Variants in DPH6 observed in about 807,000 individuals in gnomAD.
DPH6 encodes the protein diphthine--ammonia ligase.
Under a neutral mutation model 38.2 loss-of-function variants are expected in DPH6, and 33 were observed. That is an observed-to-expected ratio of 0.86 (90% CI 0.65 to 1.15). The LOEUF (loss-of-function observed/expected upper bound fraction) is 1.15, where lower values mean the gene tolerates loss of function less well. Among genes scored for constraint, DPH6 ranks in the 50% most tolerant of loss-of-function variants. The pLI is 0.00. For missense variants in DPH6, 325 were observed against 320.0 expected (o/e 1.02, Z -0.12); for synonymous variants, 108 against 103.0 (o/e 1.05, Z -0.30).
At chr15:35,365,692 G>T in intron 3 of DPH6, 1 of 785,068 alleles carries the variant, frequency 1.3e-6, no homozygotes, top group Non-Finnish European at 1.5e-6. Flanking sequence ...TGCCCAGTTT[G>T]ATTCCCAACA....
the DPH6 span, among the ~76,000 whole-genome samples, chr15:35,171,459 T>C: frequency 6.6e-6 from 1 of 152,132 alleles, no homozygotes; most frequent in African/African-American, 2.4e-5. Context: ...TAAATGAAAA[T>C]AGGTTGAAAC....
At chr15:35,158,167 C>T in the DPH6 span, among the ~76,000 whole-genome samples, 2 of 152,076 alleles carry the variant, frequency 1.3e-5, no homozygotes, top group East Asian at 3.9e-4. Flanking sequence ...TTATTGTATG[C>T]CCCTATTTTG....
intron 6 of DPH6, among the ~76,000 whole-genome samples, chr15:35,388,686 T>G (rs902793321): frequency 3.3e-5 from 5 of 152,242 alleles, no homozygotes; most frequent in African/African-American, 1.2e-4. Context: ...TTGGTGGTGA[T>G]ATCCCCTTTG....
At chr15:35,276,718 TG>T (rs965578730) in intron 3 of DPH6, among the ~76,000 whole-genome samples, 3 of 152,030 alleles carry the variant, frequency 2.0e-5, no homozygotes, top group Non-Finnish European at 4.4e-5. Flanking sequence ...TGTTTCTGTT[TG>T]CTTTGTGAAA....
At chr15:35,397,906 C>CACACACACACACAT (rs1555398584) in intron 6 of DPH6, among the ~76,000 whole-genome samples, 17 of 147,084 alleles carry the variant, frequency 1.2e-4, no homozygotes, top group Admixed American at 2.0e-4. Context: ...CACACACACA[C>CACACACACACACAT]ACACACACAA....
chr15:35,281,234 C>T (rs1198011382), intron 3 of DPH6, among the ~76,000 whole-genome samples: 1 of 152,142 alleles, frequency 6.6e-6, no homozygotes, highest in Non-Finnish European at 1.5e-5. Flanking sequence ...CTCCCTCAAG[C>T]AAACTCTTAT....
intron 3 of DPH6, among the ~76,000 whole-genome samples, chr15:35,258,507 T>C (rs1226787107): frequency 6.6e-6 from 1 of 152,172 alleles, no homozygotes; most frequent in African/African-American, 2.4e-5. Flanking sequence ...ATTTCATAAG[T>C]GAGGGAACTA....
At chr15:35,445,017 A>G (rs1050003186) in intron 5 of DPH6, among the ~76,000 whole-genome samples, 2 of 152,352 alleles carry the variant, frequency 1.3e-5, no homozygotes, top group South Asian at 4.1e-4. Context: ...CATACAAAAA[A>G]GTATCATGAG....
the DPH6 span, among the ~76,000 whole-genome samples, chr15:35,163,492 C>T: frequency 1.3e-5 from 2 of 151,924 alleles, no homozygotes; most frequent in South Asian, 4.1e-4. Context: ...ACTTTTCATT[C>T]CGCTGTAAAA....
intron 3 of DPH6, among the ~76,000 whole-genome samples, chr15:35,281,829 T>C (rs1176251892): frequency 1.3e-5 from 2 of 152,230 alleles, no homozygotes; most frequent in African/African-American, 4.8e-5. Context: ...ATACCTCAGG[T>C]AGCCTACACT....
chr15:35,158,367 G>T, the DPH6 span, among the ~76,000 whole-genome samples: 1 of 152,066 alleles, frequency 6.6e-6, no homozygotes, highest in South Asian at 2.1e-4. Context: ...ATTTGCTAAT[G>T]GTTTTCATGG....
intron 7 of DPH6, 39 bp downstream of exon 7, chr15:35,381,783 T>G (rs962935657): frequency 6.4e-7 from 1 of 1,553,598 alleles, no homozygotes; most frequent in African/African-American, 1.4e-5. Flanking sequence ...ATCACTTAAA[T>G]TTATGGGAAA....
chr15:35,509,086 T>C (rs1264417401), intron 3 of DPH6, among the ~76,000 whole-genome samples: 1 of 152,196 alleles, frequency 6.6e-6, no homozygotes, highest in Non-Finnish European at 1.5e-5. Context: ...GATTAACACA[T>C]AGTATTTGTG....
At chr15:35,326,164 C>G (rs942814201), downstream of DPH6, among the ~76,000 whole-genome samples, 3 of 152,168 alleles carry the variant, frequency 2.0e-5, no homozygotes, top group African/African-American at 4.8e-5. Context: ...TGTAAACTTA[C>G]TGTCTACCTT....
At position 35,502,469 on chromosome 15, in the gene DPH6, A is replaced by C. The variant is rs2054639941; in HGVS notation, c.312+35805T>G. ...TCAGAGTTCTGTTTGTTTTATATTGATGAATCTAAACTATAAGCATTCCAC... is the reference window on the plus strand; with the variant it reads ...TCAGAGTTCTGTTTGTTTTATATTGCTGAATCTAAACTATAAGCATTCCAC... On this transcript the variant is annotated intron_variant, in intron 3 of 8. Coordinates refer to ENST00000256538, the MANE Select transcript of DPH6 (RefSeq NM_080650.4). 2.0e-5 allele frequency among the ~76,000 whole-genome samples: 3 copies of C among 152,032 alleles called. No homozygotes were observed. In the South Asian group the frequency reaches 6.2e-4, roughly 31 times the overall value.
At chr15:35,238,472 A>G (rs2051573273) in intron 3 of DPH6, among the ~76,000 whole-genome samples, 1 of 152,202 alleles carries the variant, frequency 6.6e-6, no homozygotes, top group Non-Finnish European at 1.5e-5. Context: ...AGCAAATGCT[A>G]CTGAGAACCC....
intron 3 of DPH6, among the ~76,000 whole-genome samples, chr15:35,291,309 T>C (rs751380542): frequency 6.6e-6 from 1 of 152,118 alleles, no homozygotes. Flanking sequence ...TTGACTTACG[T>C]TGGGAATCCT....
At chr15:35,241,124 G>T (rs1250511756) in intron 3 of DPH6, among the ~76,000 whole-genome samples, 1 of 135,814 alleles carries the variant, frequency 7.4e-6, no homozygotes, top group East Asian at 2.3e-4. Context: ...ATCTGTGCGG[G>T]ACCCCACTGG....
intron 3 of DPH6, among the ~76,000 whole-genome samples, chr15:35,507,944 A>C (rs2054717105): frequency 6.6e-6 from 1 of 152,140 alleles, no homozygotes; most frequent in Non-Finnish European, 1.5e-5. Context: ...TGTGTGAGCA[A>C]GACTATTCCT....
Sources: gnomAD v4.1 joint callset for allele counts (sites outside exome capture counted in the v4.1 genomes callset) on GRCh38, gnomAD v4.1.1 for gene constraint, MANE v1.5 for transcripts, NCBI Gene and HGNC (gene_info 2026-07-23, HGNC 2026-07-21) for gene names.